Variants in CILK1 observed in about 807,000 individuals in gnomAD.
The protein encoded by CILK1 is serine/threonine-protein kinase ICK.
A neutral mutation model predicts 79.2 loss-of-function variants in CILK1; 47 were observed. That is an observed-to-expected ratio of 0.59 (90% CI 0.47 to 0.76). The LOEUF is 0.76. Among genes scored for constraint, CILK1 ranks in the 30% least tolerant of loss-of-function variants. The pLI, the probability that CILK1 is intolerant of heterozygous loss-of-function variation, is 0.00. For missense variants in CILK1, 660 were observed against 769.5 expected (o/e 0.86, Z 1.68); for synonymous variants, 266 against 275.9 (o/e 0.96, Z 0.36).
rs1206512470 is a variant in CILK1, at chr6:53,032,673, A to G, written c.157-19T>C. On this transcript the variant is annotated intron_variant, in intron 3 of 13. Transcript: ENST00000676107. ...TTAAAGACTAAAAGGCAAGGAATAA[A>G]CACAAAACAAAACAAATATTAGAGA... The G allele has an allele frequency of 6.3e-7, 1 of 1,586,100 alleles. No individual in the cohort carries two copies.
At chr6:53,029,984 T>C (rs1430372515) in intron 5 of CILK1, among the ~76,000 whole-genome samples, 5 of 152,152 alleles carry the variant, frequency 3.3e-5, no homozygotes. Flanking sequence ...TCACAAGAAG[T>C]ATTGATCCAA....
At chr6:53,045,552 C>G (rs1767008518) in intron 1 of CILK1, among the ~76,000 whole-genome samples, 1 of 151,932 alleles carries the variant, frequency 6.6e-6, no homozygotes, top group South Asian at 2.1e-4. Context: ...ATAATTTGCC[C>G]AACTATAGGC....
chr6:53,023,175 C>T (rs1289748945), intron 5 of CILK1, among the ~76,000 whole-genome samples: 3 of 152,230 alleles, frequency 2.0e-5, no homozygotes, highest in African/African-American at 7.2e-5. Context: ...CCTCATGATC[C>T]ACCCACCTCA....
chr6:53,035,771 A>G (rs1766289992), intron 3 of CILK1, among the ~76,000 whole-genome samples: 1 of 152,196 alleles, frequency 6.6e-6, no homozygotes, highest in Admixed American at 6.5e-5. Context: ...AGAGGCCTTC[A>G]GTGACCTTCC....
At chr6:53,046,128 C>G (rs2127458775) in intron 1 of CILK1, among the ~76,000 whole-genome samples, 1 of 152,304 alleles carries the variant, frequency 6.6e-6, no homozygotes, top group Non-Finnish European at 1.5e-5. Context: ...TCAGCCTTCT[C>G]CTGCCTTAAT....
rs577632936 is a variant in CILK1, at chr6:53,010,212, A to T, written c.1493-645T>A. On this transcript the variant is annotated intron_variant, in intron 11 of 13. Coordinates refer to ENST00000676107, the MANE Select transcript of CILK1 (RefSeq NM_014920.5). ...GTCATCTGGATCTCTCTTCTTCCAG[A>T]TCATCCTGGGGCCTGTCAGGCCAAT... Among the ~76,000 whole-genome samples, 153 of 152,302 alleles carry T rather than the reference A, an allele frequency of 1.0e-3. 2 individuals carry two copies. In the South Asian group the frequency reaches 0.031, roughly 31 times the overall value.
intron 1 of CILK1, among the ~76,000 whole-genome samples, chr6:53,045,108 A>C (rs897757386): frequency 2.0e-5 from 3 of 152,232 alleles, no homozygotes; most frequent in Non-Finnish European, 2.9e-5. Context: ...CAGGCATCTT[A>C]AATGTTTTAT....
chr6:53,033,789 T>C (rs910674325), intron 3 of CILK1, among the ~76,000 whole-genome samples: 1 of 152,148 alleles, frequency 6.6e-6, no homozygotes, highest in African/African-American at 2.4e-5. Context: ...GGTTCAAAGC[T>C]TGGGAATGTG....
At chr6:53,018,205 T>C (rs1765002981) in intron 7 of CILK1, 125 bp downstream of exon 7, 1 of 909,952 alleles carries the variant, frequency 1.1e-6, no homozygotes, top group Admixed American at 1.7e-5. Flanking sequence ...GGAGAATGAC[T>C]GAGGTCAAGA....
In CILK1 at chr6:53,005,079, A is replaced by G; in HGVS notation, c.*70T>C. 1 of 1,563,692 alleles carries G rather than the reference A, an allele frequency of 6.4e-7. No homozygotes were observed. Among genetic ancestry groups the G allele is most frequent in the Non-Finnish European group, 8.8e-7 (1 of 1,137,136 alleles). On this transcript the variant is annotated 3_prime_UTR_variant, in exon 14 of 14. Coordinates refer to ENST00000676107, the MANE Select transcript of CILK1 (RefSeq NM_014920.5). The stretch of plus-strand genomic sequence containing the variant: ...TATGCCCTCTGCACATCTTGCAGGT[A>G]GAACACCAGTCAGCTGAGGGAAAGT...
At position 53,028,172 on chromosome 6, in the gene CILK1, C is replaced by T. The variant is rs1369557926; in HGVS notation, c.358+2893G>A. 1.0e-4 allele frequency among the ~76,000 whole-genome samples: 15 copies of T among 149,490 alleles called. No homozygotes were observed. The South Asian group carries it at 3.0e-3, about 29-fold the overall frequency. Reference sequence around the variant, plus strand: ...AAAAAAAAAAAAAAAAAAAATTAGCCGGGCGTGGTGGCATGCACCTGTAGT... The same window carrying T: ...AAAAAAAAAAAAAAAAAAAATTAGCTGGGCGTGGTGGCATGCACCTGTAGT... On this transcript the variant is annotated intron_variant, in intron 5 of 13. Coordinates refer to ENST00000676107, the MANE Select transcript of CILK1 (RefSeq NM_014920.5).
intron 5 of CILK1, among the ~76,000 whole-genome samples, chr6:53,025,955 G>T (rs1252933793): frequency 6.6e-6 from 1 of 152,058 alleles, no homozygotes; most frequent in East Asian, 1.9e-4. Flanking sequence ...CCTTATGAGC[G>T]GCAATGCCAC....
chr6:53,012,131 C>T lies in CILK1; in HGVS notation c.1249G>A (p.Asp417Asn). The change falls in exon 10 of 14, where the codon GAT becomes AAT. Residue 417 changes from aspartate to asparagine, a missense_variant. By Grantham distance (23) the Asp-to-Asn change is conservative. Coordinates refer to ENST00000676107, the MANE Select transcript of CILK1 (RefSeq NM_014920.5). ...TCCAAGTCATCCAAGTCAGCCCAAT[C>T]ATCTGAATCCTTTGTTGACCTGGAA... is the stretch of plus-strand genomic sequence containing the variant. ...LISRSTKDSD[D>N]WADLDDLDFS... The T allele has an allele frequency of 6.2e-7, 1 of 1,614,224 alleles. No homozygotes were observed. The highest frequency in any genetic ancestry group is 8.5e-7 in the Non-Finnish European group (1 of 1,180,040).
At chr6:53,045,214 C>T (rs972672737) in intron 1 of CILK1, among the ~76,000 whole-genome samples, 13 of 152,138 alleles carry the variant, frequency 8.5e-5, no homozygotes, top group African/African-American at 2.7e-4. Flanking sequence ...TTCATGATTA[C>T]TGTATTATGG....
At position 53,003,178 on chromosome 6, in the gene CILK1, C is replaced by T. The variant is rs936179904; in HGVS notation, c.*1971G>A. The stretch of plus-strand genomic sequence containing the variant: ...TGAAGCTTTGCTGCCAGCTTGTTAA[C>T]AGGAAAAGACCACCTATCACATCCA... On this transcript the variant is annotated 3_prime_UTR_variant, in exon 14 of 14. Coordinates refer to ENST00000676107, the MANE Select transcript of CILK1 (RefSeq NM_014920.5). 2.0e-5 allele frequency: 3 copies of T among 152,598 alleles called. No homozygotes were observed. The highest frequency in any genetic ancestry group is 1.9e-4 in the East Asian group (1 of 5,198). 9.5% of individuals were successfully genotyped at this position (152,598 alleles called of 1,614,324 possible).
In CILK1 at chr6:53,041,168, G is replaced by A. The variant is rs1766682412; in HGVS notation, c.69C>T (p.Ser23=). 9 of 1,613,638 alleles carry A rather than the reference G, an allele frequency of 5.6e-6. No homozygotes were observed. Among genetic ancestry groups the A allele is most frequent in the Non-Finnish European group, 7.6e-6 (9 of 1,179,668 alleles). ...TAGCGATCAGCTCCCCAGACTCAAT[G>A]CTTCTTCCCAGCAGGACGGAACCGT... is the stretch of plus-strand genomic sequence containing the variant. ...GTYGSVLLGR[S]IESGELIAIK... is the part of the protein sequence containing the mutation. The change falls in exon 2 of 14, where the codon AGC becomes AGT. Residue 23 remains serine, a synonymous_variant. Coordinates refer to ENST00000676107, the MANE Select transcript of CILK1 (RefSeq NM_014920.5).
At chr6:53,029,436 T>C (rs963778287) in intron 5 of CILK1, among the ~76,000 whole-genome samples, 5 of 152,240 alleles carry the variant, frequency 3.3e-5, no homozygotes, top group East Asian at 1.9e-4. Context: ...CAGTCTTGCA[T>C]AGTACATGCT....
At chr6:53,036,789 GAAC>G (rs1766369935) in intron 3 of CILK1, among the ~76,000 whole-genome samples, 1 of 152,106 alleles carries the variant, frequency 6.6e-6, no homozygotes, top group Non-Finnish European at 1.5e-5. Context: ...CACTAACTTT[GAAC>G]TCCAATTAAG....
intron 11 of CILK1, among the ~76,000 whole-genome samples, chr6:53,010,531 A>T (rs34285687): frequency 6.6e-6 from 1 of 152,154 alleles, no homozygotes; most frequent in Non-Finnish European, 1.5e-5. Flanking sequence ...ATTTCTTACA[A>T]GGCCCCAAAA....
Sources: allele counts gnomAD v4.1 joint callset (sites outside exome capture counted in the v4.1 genomes callset), GRCh38; gene constraint gnomAD v4.1.1; transcripts MANE v1.5; gene names NCBI Gene and HGNC (gene_info 2026-07-23, HGNC 2026-07-21).